The following TUB variants were observed in gnomAD, a reference collection of about 807,000 sequenced individuals.
The protein encoded by TUB is tubby protein homolog.
In TUB, 33 loss-of-function variants were observed where a neutral mutation model predicts 59.7. The ratio of observed to expected loss-of-function variants is 0.55; its 90% CI spans 0.42 to 0.74. The LOEUF is 0.74. Among genes scored for constraint, TUB ranks in the 30% least tolerant of loss-of-function variants. The pLI, the probability that TUB is intolerant of heterozygous loss-of-function variation, is 0.00. For missense variants in TUB, 659 were observed against 672.0 expected, an observed-to-expected ratio of 0.98 and a Z score of 0.21; for synonymous variants, 293 against 256.4, an observed-to-expected ratio of 1.14 and a Z score of -1.36.
chr11:8,051,968 A>T (rs1182298066), intron 2 of TUB, among the ~76,000 whole-genome samples: 1 of 152,230 alleles, frequency 6.6e-6, no homozygotes, highest in Non-Finnish European at 1.5e-5. Flanking sequence ...GGCCATCTTT[A>T]TTGTAAACCA....
intron 1 of TUB, among the ~76,000 whole-genome samples, chr11:8,025,372 C>A (rs777395281): frequency 2.2e-4 from 33 of 152,174 alleles, no homozygotes; most frequent in Middle Eastern, 6.8e-3. Flanking sequence ...AAGAATGTTC[C>A]ATGGAAAGGA....
chr11:8,091,954 G>C (rs946977504), intron 3 of TUB, among the ~76,000 whole-genome samples: 1 of 152,244 alleles, frequency 6.6e-6, no homozygotes, highest in African/African-American at 2.4e-5. Context: ...GGCGAGTGAG[G>C]CTGCATACAG....
chr11:8,088,376 G>A (rs1943708229), intron 1 of TUB, among the ~76,000 whole-genome samples: 1 of 152,176 alleles, frequency 6.6e-6, no homozygotes, highest in Non-Finnish European at 1.5e-5. Context: ...ATCAGGAGGA[G>A]GTGAAAGTGG....
intron 1 of TUB, among the ~76,000 whole-genome samples, chr11:8,026,999 T>A (rs939960022): frequency 3.3e-5 from 5 of 152,210 alleles, no homozygotes; most frequent in African/African-American, 1.2e-4. Flanking sequence ...GTAAGATGTA[T>A]CCCTAAATTC....
intron 3 of TUB, among the ~76,000 whole-genome samples, chr11:8,092,664 G>C (rs1402018786): frequency 1.3e-5 from 2 of 152,124 alleles, no homozygotes; most frequent in African/African-American, 4.8e-5. Flanking sequence ...TGTGACATTT[G>C]ATTTCTGGGA....
upstream of TUB, among the ~76,000 whole-genome samples, chr11:8,037,282 G>C (rs1287182637): frequency 6.6e-6 from 1 of 152,220 alleles, no homozygotes; most frequent in African/African-American, 2.4e-5. Flanking sequence ...CCTTGGCTTT[G>C]ACCTTTCCTT....
At chr11:8,024,225 G>T (rs73414927) in intron 1 of TUB, among the ~76,000 whole-genome samples, 1 of 152,148 alleles carries the variant, frequency 6.6e-6, no homozygotes, top group Non-Finnish European at 1.5e-5. Context: ...TGCTCAGCAC[G>T]ACTCTAGCCC....
At chr11:8,076,727 C>T (rs1943455127), upstream of TUB, 1 of 152,374 alleles carries the variant, frequency 6.6e-6, no homozygotes, top group African/African-American at 2.4e-5. Flanking sequence ...ACATTCACCT[C>T]ATAACCATTC....
At chr11:8,034,614 C>G (rs777687408), upstream of TUB, among the ~76,000 whole-genome samples, 12 of 152,212 alleles carry the variant, frequency 7.9e-5, no homozygotes, top group Non-Finnish European at 1.5e-4. Context: ...CCAGCCTGAG[C>G]TGGGTGTCAG....
intron 2 of TUB, among the ~76,000 whole-genome samples, chr11:8,073,748 C>A (rs376224200): frequency 5.3e-5 from 8 of 152,324 alleles, no homozygotes; most frequent in African/African-American, 1.9e-4. Context: ...GCCTGTGCTC[C>A]CCAGAGAGCT....
chr11:8,079,660 A>G (rs568152395), upstream of TUB, among the ~76,000 whole-genome samples: 2 of 109,822 alleles, frequency 1.8e-5, no homozygotes, highest in East Asian at 6.3e-4. Context: ...GTGTGTGTGC[A>G]TGCATGTGTG....
At chr11:8,024,770 G>A (rs1942477690) in intron 1 of TUB, among the ~76,000 whole-genome samples, 1 of 152,184 alleles carries the variant, frequency 6.6e-6, no homozygotes, top group African/African-American at 2.4e-5. Context: ...CTCCAGGAGG[G>A]GTGAATTGAT....
intron 6 of TUB, 53 bp downstream of exon 6, chr11:8,096,859 TAGAGGTGGA>T: frequency 6.3e-7 from 1 of 1,596,434 alleles, no homozygotes; most frequent in East Asian, 2.2e-5. Flanking sequence ...GCTCATCCGT[TAGAGGTGGA>T]CTGCATGTGA....
At chr11:8,072,512 A>G (rs1327213890) in intron 2 of TUB, among the ~76,000 whole-genome samples, 2 of 152,130 alleles carry the variant, frequency 1.3e-5, no homozygotes, top group African/African-American at 2.4e-5. Flanking sequence ...CCAGCAATCA[A>G]TGAGACAATA....
At position 8,089,654 on chromosome 11, in the gene TUB, A is replaced by G. The variant is rs2133832270; in HGVS notation, c.83A>G (p.Asp28Gly). 2 of 1,614,170 alleles carry G rather than the reference A, an allele frequency of 1.2e-6. No individual in the cohort carries two copies. The highest frequency in any genetic ancestry group is 4.5e-5 in the East Asian group (2 of 44,878). The change falls in exon 2 of 12, where the codon GAT becomes GGT. Residue 28 changes from aspartate (D) to glycine (G), a missense_variant. Around this residue, in one of 3 missense-constraint regions of TUB, gnomAD observed 321 missense variants for 304.3 expected, o/e 1.05. Transcript: ENST00000299506. ...EGRNLRQQKL[D>G]RQRALLEQKQ... ...AGAAACCTGAGGCAGCAGAAGCTTG[A>G]TCGGCAGGTGAGTAGGCCTGGGGCC... is the stretch of plus-strand genomic sequence containing the variant.
rs73396750 is a variant in TUB at position 8,055,905 on chromosome 11, C to T, written c.203+16213C>T. Among the ~76,000 whole-genome samples, 635 of 152,330 alleles carry T rather than the reference C, an allele frequency of 4.2e-3. 2 individuals carry two copies. Among genetic ancestry groups the T allele is most frequent in the African/African-American group, 0.011 (476 of 41,586 alleles). Reference sequence around the variant, plus strand: ...GGGCCCTGTGACTTCTGATCCCTCCCTGTGACAGGGGAGCCTGGGCTCAGC... The same window carrying T: ...GGGCCCTGTGACTTCTGATCCCTCCTTGTGACAGGGGAGCCTGGGCTCAGC... On this transcript the variant is annotated intron_variant, in intron 2 of 12. Coordinates refer to the TUB transcript ENST00000305253.
At chr11:8,064,621 CGAA>C (rs1943201478) in intron 2 of TUB, among the ~76,000 whole-genome samples, 1 of 152,032 alleles carries the variant, frequency 6.6e-6, no homozygotes, top group Non-Finnish European at 1.5e-5. Context: ...TAAGTGGGGT[CGAA>C]GACTGTGGCC....
chr11:8,065,393 A>C lies in TUB; in HGVS notation c.204-24217A>C, dbSNP rs117918186. On this transcript the variant is annotated intron_variant, in intron 2 of 12. Coordinates refer to the TUB transcript ENST00000305253. The stretch of plus-strand genomic sequence containing the variant: ...TCAACAATGGGAGTGACACAGAGTT[A>C]AGAAGTGGTTTCGTGTGAGTCTTAG... 1.3e-3 allele frequency among the ~76,000 whole-genome samples: 202 copies of C among 152,286 alleles called. 1 individual carries two copies. In the Middle Eastern group the frequency reaches 0.031, roughly 23 times the overall value.
chr11:8,068,402 A>G (rs928254513), intron 2 of TUB: 6 of 152,182 alleles, frequency 3.9e-5, no homozygotes, highest in Admixed American at 3.3e-4. Flanking sequence ...CCTCCCTTAC[A>G]GGCGGGATCA....
Sources: gnomAD v4.1 joint callset for allele counts (sites outside exome capture counted in the v4.1 genomes callset) on GRCh38, gnomAD v4.1.1 for gene constraint, gnomAD v4.1.1 regional missense constraint, MANE v1.5 for transcripts, NCBI Gene and HGNC (gene_info 2026-07-23, HGNC 2026-07-21) for gene names.